MAPRE1: variants seen among roughly 807,000 people sequenced by gnomAD.
The protein encoded by MAPRE1 is microtubule associated protein RP/EB family member 1, also known as microtubule-associated protein RP/EB family member 1.
A neutral mutation model predicts 32.1 loss-of-function variants in MAPRE1; 5 were observed. The ratio of observed to expected loss-of-function variants is 0.16; its 90% confidence interval spans 0.08 to 0.33. The LOEUF is 0.33. Ranked by LOEUF, MAPRE1 falls within the 10% of genes least tolerant of loss-of-function variation. The probability of loss-of-function intolerance (pLI) is 1.00; values close to 1 mark genes in which losing one functional copy is unlikely to be tolerated. For synonymous variants in MAPRE1, 122 were observed against 118.9 expected (o/e 1.03, Z -0.17); for missense variants, 209 against 327.2 (o/e 0.64, Z 2.79).
chr20:32,837,846 G>A (rs1466766368), intron 4 of MAPRE1, among the ~76,000 whole-genome samples: 1 of 152,192 alleles, frequency 6.6e-6, no homozygotes, highest in Non-Finnish European at 1.5e-5. Flanking sequence ...CGCTTTGGGA[G>A]GCTGAGGCAG....
chr20:32,830,739 C>CT (rs5841119), intron 2 of MAPRE1, among the ~76,000 whole-genome samples: 47,194 of 141,722 alleles, frequency 0.33, 8,332 homozygotes, highest in East Asian at 0.63. Context: ...TCTCTTCAAA[C>CT]TTTTTTTTTT....
intron 3 of MAPRE1, 101 bp downstream of exon 3, chr20:32,833,963 T>A: frequency 1.7e-6 from 2 of 1,182,334 alleles, no homozygotes; most frequent in Non-Finnish European, 2.3e-6. Flanking sequence ...TTTTTTTTCT[T>A]AATTTATCTA....
chr20:32,821,024 CTTTT>C (rs35886111), intron 1 of MAPRE1, among the ~76,000 whole-genome samples: 260 of 140,646 alleles, frequency 1.8e-3, no homozygotes, highest in African/African-American at 6.3e-3. Flanking sequence ...TCTCTTCTTC[CTTTT>C]TTTTTTTTTT....
rs567198196 is a variant in MAPRE1, at chr20:32,836,454, A to T, written c.268-180A>T. ...AGAGTGGGGAGGGGTTGGGAAGTGT[A>T]GGTACTCTTGAAGGCAAACTGCATG... On this transcript the variant is annotated intron_variant, in intron 3 of 6. Coordinates refer to ENST00000375571, the MANE Select transcript of MAPRE1 (RefSeq NM_012325.3). Among the ~76,000 whole-genome samples, 15 of 152,264 alleles carry T rather than the reference A, an allele frequency of 9.9e-5. No homozygotes were observed. In the South Asian group the frequency reaches 2.3e-3, roughly 23 times the overall value.
chr20:32,834,869 TG>T (rs949646602), intron 3 of MAPRE1, among the ~76,000 whole-genome samples: 1 of 152,196 alleles, frequency 6.6e-6, no homozygotes, highest in African/African-American at 2.4e-5. Context: ...ATGGTTAGCA[TG>T]GCCAATTTTG....
rs1983589081 is a variant in MAPRE1 at position 32,849,404 on chromosome 20, A to G, written c.*676A>G. The G allele has an allele frequency of 6.6e-6, 1 of 152,116 alleles. No individual in the cohort carries two copies. The highest frequency in any genetic ancestry group is 2.4e-5 in the African/African-American group (1 of 41,418). 9.4% of individuals were successfully genotyped at this position (152,116 alleles called of 1,614,324 possible). A position where few individuals can be genotyped will look rare whatever the true frequency, so the allele number is the denominator to read the frequency against. ...GGCATCGTTGCCTGGATAATAGAGG[A>G]TGTGTTTCAGCCCTGAGATGTTACA... On this transcript the variant is annotated 3_prime_UTR_variant, in exon 7 of 7. Coordinates refer to ENST00000375571, the MANE Select transcript of MAPRE1 (RefSeq NM_012325.3).
chr20:32,836,245 C>G (rs1225930485), intron 3 of MAPRE1, among the ~76,000 whole-genome samples: 1 of 152,248 alleles, frequency 6.6e-6, no homozygotes, highest in Non-Finnish European at 1.5e-5. Context: ...TGTGCCTGGC[C>G]TGTGCAGTGG....
At position 32,834,482 on chromosome 20, in the gene MAPRE1, G is replaced by A. The variant is rs149391413; in HGVS notation, c.267+620G>A. On this transcript the variant is annotated intron_variant, in intron 3 of 6. Transcript: ENST00000375571. ...TCTGTTTTAGTAGATAATAGATTAA[G>A]TAGTTTATCCCTTCCCCCACCCTTG... Among the ~76,000 whole-genome samples, 265 of 152,156 alleles carry A rather than the reference G, an allele frequency of 1.7e-3. 1 individual carries two copies. Among genetic ancestry groups the A allele is most frequent in the African/African-American group, 5.9e-3 (243 of 41,520 alleles).
Position 32,849,003 on chromosome 20 carries a change from C to A in MAPRE1, c.*275C>A. 1 of 302,800 alleles carries A rather than the reference C, an allele frequency of 3.3e-6. No individual in the cohort carries two copies. The highest frequency in any genetic ancestry group is 8.5e-5 in the South Asian group (1 of 11,818). The allele number at this position is 302,800 out of a possible 1,614,324, so 18.8% of individuals were successfully genotyped here. A position where few individuals can be genotyped will look rare whatever the true frequency, so the allele number is the denominator to read the frequency against. On this transcript the variant is annotated 3_prime_UTR_variant, in exon 7 of 7. Coordinates refer to ENST00000375571, the MANE Select transcript of MAPRE1 (RefSeq NM_012325.3). ...TGGGGCTCACCATGCGGATGCGGGT[C>A]ACACTGAATGCTGGAGAGATGTTAT...
rs772480313 is a variant in MAPRE1, at chr20:32,846,315, C to T, written c.598-303C>T. 1.5e-4 allele frequency among the ~76,000 whole-genome samples: 23 copies of T among 152,188 alleles called. 1 individual carries two copies. The highest frequency in any genetic ancestry group is 7.4e-5 in the Non-Finnish European group (5 of 68,026). The stretch of plus-strand genomic sequence containing the variant: ...CAGTTTATGATTGTCAGCTACCTTG[C>T]TAGGCTGTAATTGTCTCAGGCTTCC... On this transcript the variant is annotated intron_variant, in intron 5 of 6. Transcript: ENST00000375571.
chr20:32,848,783 A>T lies in MAPRE1; in HGVS notation c.*55A>T. 1 of 1,437,578 alleles carries T rather than the reference A, an allele frequency of 7.0e-7. No individual in the cohort carries two copies. Among genetic ancestry groups the T allele is most frequent in the Non-Finnish European group, 9.6e-7 (1 of 1,037,336 alleles). The allele number at this position is 1,437,578 out of a possible 1,614,324, so 89.1% of individuals were successfully genotyped here. On this transcript the variant is annotated 3_prime_UTR_variant, in exon 7 of 7. Transcript: ENST00000375571. ...TTCTTCACTCCAAATCATGTGCTTA[A>T]CTGTAAAATACTCCCTTTTGTTATC...
intron 2 of MAPRE1, among the ~76,000 whole-genome samples, chr20:32,829,376 A>G (rs986638293): frequency 1.3e-5 from 2 of 152,172 alleles, no homozygotes; most frequent in Non-Finnish European, 2.9e-5. Flanking sequence ...GAGTATGTAG[A>G]TGGTTGCATT....
intron 1 of MAPRE1, among the ~76,000 whole-genome samples, chr20:32,820,841 C>T (rs1287935054): frequency 6.6e-6 from 1 of 152,090 alleles, no homozygotes; most frequent in Admixed American, 6.6e-5. Context: ...TCCTGGGGCC[C>T]ATTGAGGGAG....
At chr20:32,830,074 AC>A (rs1441754041) in intron 2 of MAPRE1, among the ~76,000 whole-genome samples, 1 of 152,126 alleles carries the variant, frequency 6.6e-6, no homozygotes, top group African/African-American at 2.4e-5. Flanking sequence ...GGTCCTCTGC[AC>A]ATGTAGAGGG....
intron 1 of MAPRE1, among the ~76,000 whole-genome samples, chr20:32,823,584 CTG>C (rs1456857390): frequency 1.3e-5 from 2 of 152,180 alleles, no homozygotes; most frequent in East Asian, 1.9e-4. Flanking sequence ...CTTTTTCAAA[CTG>C]TAATGAGAGC....
chr20:32,835,438 C>T lies in MAPRE1; in HGVS notation c.268-1196C>T, dbSNP rs550919538. 4.9e-5 allele frequency among the ~76,000 whole-genome samples: 7 copies of T among 143,038 alleles called. No homozygotes were observed. In the South Asian group the frequency reaches 1.6e-3, roughly 32 times the overall value. 93.8% of individuals were successfully genotyped at this position (143,038 alleles called of 152,430 possible). A position where few individuals can be genotyped will look rare whatever the true frequency, so the allele number is the denominator to read the frequency against. ...TCTAAATTCCTGGACTCAAGCAGTC[C>T]TCAAGATAGCTAGGATTGCAGGTGG... On this transcript the variant is annotated intron_variant, in intron 3 of 6. Coordinates refer to ENST00000375571, the MANE Select transcript of MAPRE1 (RefSeq NM_012325.3).
At chr20:32,826,236 T>TGA (rs1555846058) in intron 2 of MAPRE1, among the ~76,000 whole-genome samples, 188 bp downstream of exon 2, 12 of 104,934 alleles carry the variant, frequency 1.1e-4, no homozygotes, top group African/African-American at 4.4e-4. Context: ...TTTTTTTTTT[T>TGA]GACAGAGTCT....
At chr20:32,829,632 C>CAGT (rs143312897) in intron 2 of MAPRE1, among the ~76,000 whole-genome samples, 45 of 145,958 alleles carry the variant, frequency 3.1e-4, no homozygotes, top group Middle Eastern at 3.4e-3. Context: ...CCAGAGTTCT[C>CAGT]CACTAAACAC....
intron 5 of MAPRE1, among the ~76,000 whole-genome samples, chr20:32,844,602 C>T (rs1278483423): frequency 6.6e-6 from 1 of 151,738 alleles, no homozygotes; most frequent in African/African-American, 2.4e-5. Context: ...TTTATAGAGA[C>T]GGGGATTCAC....
Sources: gnomAD v4.1 joint callset for allele counts (sites outside exome capture counted in the v4.1 genomes callset) on GRCh38, gnomAD v4.1.1 for gene constraint, MANE v1.5 for transcripts, NCBI Gene and HGNC (gene_info 2026-07-23, HGNC 2026-07-21) for gene names.